RAB27B: variants seen among roughly 807,000 people sequenced by gnomAD.
RAB27B encodes the protein ras-related protein Rab-27B.
In RAB27B, 15 loss-of-function variants were observed where a neutral mutation model predicts 24.6. The observed-to-expected ratio is 0.61, with a 90% CI of 0.41 to 0.94. The LOEUF (loss-of-function observed/expected upper bound fraction) is 0.94. Among genes scored for constraint, RAB27B ranks in the 40% least tolerant of loss-of-function variants. The probability of loss-of-function intolerance (pLI) is 0.00; values close to 1 mark genes in which losing one functional copy is unlikely to be tolerated. For synonymous variants in RAB27B, 105 were observed against 92.5 expected, an observed-to-expected ratio of 1.14 and a Z score of -0.78; for missense variants, 261 against 266.8, an observed-to-expected ratio of 0.98 and a Z score of 0.15.
rs182160342 is a variant in RAB27B at position 54,888,373 on chromosome 18, G to A, written c.467+255G>A. On this transcript the variant is annotated intron_variant, in intron 5 of 5. Coordinates refer to ENST00000262094, the MANE Select transcript of RAB27B (RefSeq NM_004163.4). ...CTCATTTTAACCCATCATAACTAGAGTTATCTCATTTTATATATAAGAATT... is the reference window on the plus strand; with the variant it reads ...CTCATTTTAACCCATCATAACTAGAATTATCTCATTTTATATATAAGAATT... Among the ~76,000 whole-genome samples the A allele has an allele frequency of 6.6e-5, 10 of 152,218 alleles. No homozygotes were observed. The East Asian group carries it at 1.9e-3, about 29-fold the overall frequency.
chr18:54,823,487 G>A (rs1910375804), upstream of RAB27B, among the ~76,000 whole-genome samples: 1 of 152,214 alleles, frequency 6.6e-6, no homozygotes, highest in Non-Finnish European at 1.5e-5. Context: ...CAGAAGGTCA[G>A]TGACTCATGC....
intron 1 of RAB27B, among the ~76,000 whole-genome samples, chr18:54,858,581 G>C (rs148590236): frequency 6.6e-6 from 1 of 151,898 alleles, no homozygotes; most frequent in Non-Finnish European, 1.5e-5. Flanking sequence ...TTTTAGTAGA[G>C]ACGGGTTTCA....
chr18:54,718,342 G>A (rs1365766702), intron 2 of RAB27B, among the ~76,000 whole-genome samples: 1 of 152,096 alleles, frequency 6.6e-6, no homozygotes, highest in Admixed American at 6.6e-5. Flanking sequence ...TCCTCTTCCA[G>A]CCTGTGGGTT....
chr18:54,873,685 CTGTGTGTGTGTGTGTG>C (rs56409312), intron 1 of RAB27B, among the ~76,000 whole-genome samples: 1,576 of 140,842 alleles, frequency 0.011, 28 homozygotes, highest in African/African-American at 0.035. Flanking sequence ...GAGCCAAATC[CTGTGTGTGTGTGTGTG>C]TGTGTGTGTG....
chr18:54,863,774 C>T (rs546928967), intron 1 of RAB27B, among the ~76,000 whole-genome samples: 13 of 152,174 alleles, frequency 8.5e-5, no homozygotes, highest in African/African-American at 2.4e-4. Context: ...AAAATTTGGC[C>T]TTTTGCATCT....
rs1208847643 is a variant in RAB27B at position 54,725,631 on chromosome 18, G to A, written c.-20+7490G>A. ...CAGGAAACTTGCAGTCATGGCAGAG[G>A]GCACCTCTTCACACGGTGGCAGGAG... On this transcript the variant is annotated intron_variant, in intron 2 of 4. Coordinates refer to the RAB27B transcript ENST00000586570. Among the ~76,000 whole-genome samples the A allele has an allele frequency of 3.3e-5, 5 of 151,432 alleles. 1 individual carries two copies. The highest frequency in any genetic ancestry group is 1.2e-4 in the African/African-American group (5 of 41,296).
intron 1 of RAB27B, among the ~76,000 whole-genome samples, chr18:54,858,559 T>C (rs1413727430): frequency 1.3e-5 from 2 of 151,966 alleles, no homozygotes; most frequent in African/African-American, 4.8e-5. Context: ...AATTTTTTCT[T>C]TTTTTATATA....
At chr18:54,856,905 TG>T (rs1911806152) in intron 1 of RAB27B, among the ~76,000 whole-genome samples, 1 of 151,946 alleles carries the variant, frequency 6.6e-6, no homozygotes, top group Non-Finnish European at 1.5e-5. Context: ...CTAATTCCAA[TG>T]ATAAAACCCA....
chr18:54,780,923 G>A (rs7237519), intron 2 of RAB27B, among the ~76,000 whole-genome samples: 80,903 of 152,084 alleles, frequency 0.53, 22,513 homozygotes, highest in Middle Eastern at 0.63. Flanking sequence ...CAGCTCATTA[G>A]TAGTGTTCTA....
chr18:54,763,672 GA>G (rs1908268342), intron 2 of RAB27B, among the ~76,000 whole-genome samples: 1 of 152,156 alleles, frequency 6.6e-6, no homozygotes, highest in African/African-American at 2.4e-5. Flanking sequence ...AAACGGGTAG[GA>G]AGAGTCTCTG....
At chr18:54,814,744 A>G (rs1488408690) in intron 2 of RAB27B, among the ~76,000 whole-genome samples, 2 of 152,184 alleles carry the variant, frequency 1.3e-5, no homozygotes, top group Non-Finnish European at 1.5e-5. Context: ...AACCACATTA[A>G]TCTTTTGAAT....
chr18:54,799,728 C>T (rs1909541407), intron 2 of RAB27B, among the ~76,000 whole-genome samples: 1 of 143,532 alleles, frequency 7.0e-6, no homozygotes, highest in Non-Finnish European at 1.5e-5. Context: ...CTCCAGGGTT[C>T]ATGCCATTCT....
intron 2 of RAB27B, among the ~76,000 whole-genome samples, chr18:54,806,776 CA>C (rs1287495556): frequency 2.0e-5 from 3 of 151,130 alleles, no homozygotes; most frequent in East Asian, 1.9e-4. Context: ...GAAAAACATT[CA>C]AAAAAAATTG....
At chr18:54,815,695 A>G (rs1910099958) in intron 2 of RAB27B, among the ~76,000 whole-genome samples, 1 of 152,232 alleles carries the variant, frequency 6.6e-6, no homozygotes, top group African/African-American at 2.4e-5. Context: ...TACATTGAGG[A>G]CCATTTTAAG....
At chr18:54,868,171 A>G (rs1001069500) in intron 1 of RAB27B, among the ~76,000 whole-genome samples, 13 of 152,116 alleles carry the variant, frequency 8.5e-5, no homozygotes, top group African/African-American at 3.1e-4. Context: ...ATGCCTCTAA[A>G]TTCTTATTCT....
At chr18:54,744,014 C>T (rs908499147) in intron 2 of RAB27B, among the ~76,000 whole-genome samples, 1 of 152,182 alleles carries the variant, frequency 6.6e-6, no homozygotes, top group Non-Finnish European at 1.5e-5. Context: ...ATCCAGCAAT[C>T]ATCCCTCGAG....
Position 54,812,550 on chromosome 18 carries a change from AACACACACACACACAC to A in RAB27B, c.-19-64988_-19-64973del, listed in dbSNP as rs10595171. ...AGAAGTCTGACCATGGAACTCCTTT[AACACACACACACACAC>A]ACACACACACACACACACACACACA... On this transcript the variant is annotated intron_variant, in intron 2 of 4. Transcript: ENST00000586570. Among the ~76,000 whole-genome samples, 193 of 139,204 alleles carry A rather than the reference AACACACACACACACAC, an allele frequency of 1.4e-3. 5 individuals are homozygous for A. The South Asian group carries it at 0.039, about 28-fold the overall frequency. 91.3% of individuals were successfully genotyped at this position (139,204 alleles called of 152,430 possible). A position where few individuals can be genotyped will look rare whatever the true frequency, so the allele number is the denominator to read the frequency against.
intron 2 of RAB27B, among the ~76,000 whole-genome samples, chr18:54,787,060 A>T (rs1909108900): frequency 6.6e-6 from 1 of 152,232 alleles, no homozygotes. Flanking sequence ...TATTCTGAAT[A>T]GTGAAGCTCG....
intron 2 of RAB27B, among the ~76,000 whole-genome samples, chr18:54,820,507 T>C: frequency 6.6e-6 from 1 of 152,242 alleles, no homozygotes; most frequent in Non-Finnish European, 1.5e-5. Context: ...TCGTAGATTC[T>C]GGATATTAGC....
Sources: allele counts gnomAD v4.1 joint callset (sites outside exome capture counted in the v4.1 genomes callset), GRCh38; gene constraint gnomAD v4.1.1; transcripts MANE v1.5; gene names NCBI Gene and HGNC (gene_info 2026-07-23, HGNC 2026-07-21).